Variants in RBFOX1 observed in about 807,000 individuals in gnomAD.
RBFOX1 encodes RNA binding protein fox-1 homolog 1.
In RBFOX1, 8 loss-of-function variants were observed where a neutral mutation model predicts 57.7. The ratio of observed to expected loss-of-function variants is 0.14; its 90% CI spans 0.08 to 0.25. The LOEUF is 0.25. Ranked by LOEUF, RBFOX1 falls within the 10% of genes least tolerant of loss-of-function variation. RBFOX1 has a pLI of 1.00. For synonymous variants in RBFOX1, 326 were observed against 222.4 expected (o/e 1.47, Z -4.15); for missense variants, 611 against 548.5 (o/e 1.11, Z -1.14).
chr16:5,919,932 C>G (rs1186919857), intron 4 of RBFOX1, among the ~76,000 whole-genome samples: 1 of 151,930 alleles, frequency 6.6e-6, no homozygotes, highest in Non-Finnish European at 1.5e-5. Context: ...CATATTGAAA[C>G]ATATATCAGT....
At chr16:7,051,821 A>G (rs1423694498) in intron 3 of RBFOX1, among the ~76,000 whole-genome samples, 3 of 152,138 alleles carry the variant, frequency 2.0e-5, no homozygotes, top group Non-Finnish European at 2.9e-5. Flanking sequence ...ATACTCCTGC[A>G]CGTCTCTCCT....
In RBFOX1 at chr16:6,865,944, A is replaced by G. The variant is rs575361621; in HGVS notation, c.-15-186113A>G. ...AAAAGCCACCTCATTTGGTTCTTGC[A>G]CAGTAATGTCTAAATCACATAAGAA... is the stretch of plus-strand genomic sequence containing the variant. On this transcript the variant is annotated intron_variant, in intron 3 of 15. Transcript: ENST00000550418. 8.1e-4 allele frequency among the ~76,000 whole-genome samples: 124 copies of G among 152,322 alleles called. 2 individuals are homozygous for G. The highest frequency in any genetic ancestry group is 5.0e-3 in the South Asian group (24 of 4,814).
chr16:6,652,312 G>T (rs568653823), intron 2 of RBFOX1, among the ~76,000 whole-genome samples: 131 of 152,260 alleles, frequency 8.6e-4, no homozygotes, highest in African/African-American at 2.8e-3. Flanking sequence ...GTTGGGGGTT[G>T]TGGTGCATGT....
chr16:6,660,381 T>C (rs959502949), intron 3 of RBFOX1, among the ~76,000 whole-genome samples: 2 of 152,132 alleles, frequency 1.3e-5, no homozygotes, highest in African/African-American at 4.8e-5. Flanking sequence ...ATCCCGCACA[T>C]GTACCCCAGA....
intron 4 of RBFOX1, among the ~76,000 whole-genome samples, chr16:7,417,487 A>T (rs897470126): frequency 8.6e-5 from 13 of 151,238 alleles, no homozygotes; most frequent in Non-Finnish European, 1.5e-4. Context: ...CCTTGATCCA[A>T]TGCATCCGCC....
chr16:6,623,068 A>G (rs2098256080), intron 2 of RBFOX1, among the ~76,000 whole-genome samples: 1 of 152,216 alleles, frequency 6.6e-6, no homozygotes, highest in South Asian at 2.1e-4. Context: ...ATCGACATAT[A>G]TTGCAAATTA....
At chr16:7,631,458 C>T (rs972690204) in intron 11 of RBFOX1, among the ~76,000 whole-genome samples, 16 of 152,130 alleles carry the variant, frequency 1.1e-4, no homozygotes, top group Admixed American at 5.9e-4. Flanking sequence ...GAATTAAAGC[C>T]GCCACTGACT....
chr16:5,823,551 A>T (rs1334184429), intron 3 of RBFOX1, among the ~76,000 whole-genome samples: 1 of 152,150 alleles, frequency 6.6e-6, no homozygotes, highest in Non-Finnish European at 1.5e-5. Context: ...ACCCAACCAC[A>T]CAGAAGGAGG....
At chr16:6,629,883 G>C (rs1649292027) in intron 2 of RBFOX1, among the ~76,000 whole-genome samples, 1 of 149,794 alleles carries the variant, frequency 6.7e-6, no homozygotes, top group South Asian at 2.1e-4. Context: ...TTAATGTTAT[G>C]AAGGACCTGG....
intron 3 of RBFOX1, among the ~76,000 whole-genome samples, chr16:5,745,718 C>T (rs1424520908): frequency 6.6e-6 from 1 of 152,088 alleles, no homozygotes; most frequent in African/African-American, 2.4e-5. Context: ...TTTCATGTGT[C>T]TTTTGGCTGC....
At chr16:7,183,823 G>C (rs1358252674) in intron 4 of RBFOX1, among the ~76,000 whole-genome samples, 3 of 152,202 alleles carry the variant, frequency 2.0e-5, no homozygotes, top group Non-Finnish European at 4.4e-5. Flanking sequence ...GCCTCCTATT[G>C]TCAGGTGTGG....
At chr16:7,530,676 C>A (rs1313184695) in intron 5 of RBFOX1, among the ~76,000 whole-genome samples, 2 of 152,122 alleles carry the variant, frequency 1.3e-5, no homozygotes, top group Admixed American at 1.3e-4. Flanking sequence ...TCCTTTGTAT[C>A]CCCGAAGAAT....
chr16:6,848,980 G>A (rs1403266784), intron 3 of RBFOX1, among the ~76,000 whole-genome samples: 2 of 152,162 alleles, frequency 1.3e-5, no homozygotes, highest in African/African-American at 4.8e-5. Context: ...CTAGCAACTT[G>A]CCTGTCCTGA....
At chr16:7,546,077 A>G (rs991253125) in intron 5 of RBFOX1, among the ~76,000 whole-genome samples, 9 of 151,756 alleles carry the variant, frequency 5.9e-5, no homozygotes, top group African/African-American at 2.2e-4. Context: ...CAGTAATCCC[A>G]GCACTTTGGG....
intron 4 of RBFOX1, among the ~76,000 whole-genome samples, chr16:7,414,884 C>G (rs1203292614): frequency 2.0e-5 from 3 of 152,322 alleles, no homozygotes; most frequent in Non-Finnish European, 2.9e-5. Flanking sequence ...TTCTAAAATG[C>G]TGGGATTACA....
intron 5 of RBFOX1, among the ~76,000 whole-genome samples, chr16:7,537,809 T>TAG (rs1448822733): frequency 6.6e-6 from 1 of 152,212 alleles, no homozygotes; most frequent in Non-Finnish European, 1.5e-5. Context: ...GAATGCAGAC[T>TAG]AGAGCCTTTG....
At position 6,486,002 on chromosome 16, in the gene RBFOX1, C is replaced by T. The variant is rs535419116; in HGVS notation, c.-63-168601C>T. On this transcript the variant is annotated intron_variant, in intron 2 of 15. Transcript: ENST00000550418. ...GTTCCTTTTTGCTCTTAAAAAGGAC[C>T]AGCTAATTATTTTTCTTTTTTTTTT... Among the ~76,000 whole-genome samples the T allele has an allele frequency of 2.1e-5, 3 of 140,720 alleles. No individual in the cohort carries two copies. The South Asian group carries it at 6.6e-4, about 31-fold the overall frequency. 92.3% of individuals were successfully genotyped at this position (140,720 alleles called of 152,430 possible).
At chr16:7,007,622 T>TTCAA (rs1327531658) in intron 3 of RBFOX1, among the ~76,000 whole-genome samples, 4 of 152,194 alleles carry the variant, frequency 2.6e-5, no homozygotes, top group Non-Finnish European at 5.9e-5. Context: ...TAGTCATTCT[T>TTCAA]TCAATGTAAA....
At chr16:5,490,011 C>T (rs1052516410) in intron 2 of RBFOX1, among the ~76,000 whole-genome samples, 2 of 152,250 alleles carry the variant, frequency 1.3e-5, no homozygotes, top group African/African-American at 4.8e-5. Context: ...TTGGTGCTGC[C>T]TGCAGGCTGA....
Sources: allele counts gnomAD v4.1 joint callset (sites outside exome capture counted in the v4.1 genomes callset), GRCh38; gene constraint gnomAD v4.1.1; transcripts MANE v1.5; gene names NCBI Gene and HGNC (gene_info 2026-07-23, HGNC 2026-07-21).